Variants in CYLC2 observed in about 807,000 individuals in gnomAD.
The protein encoded by CYLC2 is cylicin 2.
CYLC2 carries 30 observed loss-of-function variants against 26.1 expected under a neutral mutation model. The observed-to-expected ratio is 1.15, with a 90% confidence interval of 0.86 to 1.56. The LOEUF (loss-of-function observed/expected upper bound fraction) is 1.56. CYLC2 is among the 40% of genes most tolerant of loss of function. The pLI is 0.00. For missense variants in CYLC2, 498 were observed against 394.4 expected (o/e 1.26, Z -2.23); for synonymous variants, 158 against 132.8 (o/e 1.19, Z -1.31).
intron 1 of CYLC2, among the ~76,000 whole-genome samples, chr9:102,997,307 C>T (rs564648142): frequency 2.0e-4 from 31 of 152,030 alleles, no homozygotes; most frequent in South Asian, 6.2e-4. Flanking sequence ...TATCATCACA[C>T]GCACATACAC....
chr9:103,008,609 C>T (rs900408094), intron 5 of CYLC2, among the ~76,000 whole-genome samples: 8 of 152,048 alleles, frequency 5.3e-5, no homozygotes, highest in Admixed American at 1.3e-4. Flanking sequence ...CATTAAATGA[C>T]GTTGGTATCC....
rs760694867 is a variant in CYLC2, at chr9:103,005,717, AG to A, written c.*40del. ...ATTTGAACCGAAAGAATAATTCAAA[AG>A]CATATTTGATGAAACAATAGTGGTA... On this transcript the variant is annotated 3_prime_UTR_variant, in exon 5 of 8. Transcript: ENST00000374798. The A allele has an allele frequency of 1.5e-5, 23 of 1,562,170 alleles. No individual in the cohort carries two copies. In the East Asian group the frequency reaches 4.7e-4, roughly 32 times the overall value.
intron 1 of CYLC2, among the ~76,000 whole-genome samples, chr9:102,999,115 C>T (rs934671991): frequency 2.0e-5 from 3 of 151,664 alleles, no homozygotes; most frequent in African/African-American, 7.2e-5. Context: ...TGTTTTCTTC[C>T]TTTTCTTTAT....
intron 2 of CYLC2, among the ~76,000 whole-genome samples, chr9:103,001,944 C>A (rs545994346): frequency 6.6e-6 from 1 of 152,216 alleles, no homozygotes; most frequent in East Asian, 1.9e-4. Flanking sequence ...TCAGGAATTT[C>A]TTCTACAACA....
rs772870555 is a variant in CYLC2, at chr9:103,005,008, A to G, written c.377A>G (p.Asp126Gly). The change falls in exon 5 of 8, where the codon GAC becomes GGC. Residue 126 changes from aspartate (D) to glycine (G), a missense_variant. Physicochemically the swap from Asp to Gly is moderately conservative, Grantham distance 94. Transcript: ENST00000374798. ...KKGEDKTTQK[D>G]TTDSESELKQ... is the part of the protein sequence containing the mutation. ...GGTGAAGACAAGACAACACAGAAGG[A>G]CACAACAGATTCGGAATCAGAATTA... 3 of 1,592,548 alleles carry G rather than the reference A, an allele frequency of 1.9e-6. No individual in the cohort carries two copies. The highest frequency in any genetic ancestry group is 3.8e-5 in the Admixed American group (2 of 52,396).
chr9:102,996,679 A>G (rs1480946493), intron 1 of CYLC2, among the ~76,000 whole-genome samples: 2 of 151,972 alleles, frequency 1.3e-5, no homozygotes, highest in African/African-American at 4.8e-5. Flanking sequence ...CTTTTCACTG[A>G]ATTCTTCTAA....
intron 6 of CYLC2, among the ~76,000 whole-genome samples, chr9:103,013,263 T>C (rs1188723732): frequency 1.0e-5 from 1 of 96,822 alleles, no homozygotes; most frequent in African/African-American, 4.3e-5. Context: ...TTTAATGTGT[T>C]ATATATATTA....
chr9:103,016,682 A>G (rs116489571), intron 6 of CYLC2, among the ~76,000 whole-genome samples: 1,726 of 152,164 alleles, frequency 0.011, 32 homozygotes, highest in African/African-American at 0.04. Flanking sequence ...AGGAAAATTA[A>G]AATTTCATAT....
rs756460777 is a variant in CYLC2, at chr9:103,005,644, A to G, written c.1013A>G (p.Asp338Gly). The G allele has an allele frequency of 1.2e-6, 2 of 1,612,382 alleles. No individual in the cohort carries two copies. Among genetic ancestry groups the G allele is most frequent in the Non-Finnish European group, 1.7e-6 (2 of 1,179,550 alleles). ...KKDAKKNAKK[D>G]EKKDAKKKGK ...GATGCAAAGAAGAATGCAAAGAAGG[A>G]TGAAAAGAAGGATGCAAAGAAGAAG... is the stretch of plus-strand genomic sequence containing the variant. The change falls in exon 5 of 8, where the codon GAT becomes GGT. Residue 338 changes from aspartate (D) to glycine (G), a missense_variant. Physicochemically the swap from Asp to Gly is moderately conservative, Grantham distance 94. Coordinates refer to ENST00000374798, the MANE Select transcript of CYLC2 (RefSeq NM_001340.5).
intron 6 of CYLC2, among the ~76,000 whole-genome samples, chr9:103,015,661 C>G (rs1163312213): frequency 1.3e-5 from 2 of 148,448 alleles, no homozygotes; most frequent in African/African-American, 4.9e-5. Context: ...GACCAGCGCT[C>G]TACCTTTCAG....
intron 1 of CYLC2, among the ~76,000 whole-genome samples, chr9:103,000,538 A>C (rs1299168684): frequency 6.6e-6 from 1 of 152,014 alleles, no homozygotes. Flanking sequence ...ATTTTGGTGC[A>C]TGTACTCAGT....
At chr9:102,997,587 GTCT>G (rs1180861960) in intron 1 of CYLC2, among the ~76,000 whole-genome samples, 1 of 151,822 alleles carries the variant, frequency 6.6e-6, no homozygotes, top group African/African-American at 2.4e-5. Context: ...GTCTTTTATG[GTCT>G]TCTTTTCCCT....
At chr9:103,002,946 A>G (rs1309945514) in intron 2 of CYLC2, among the ~76,000 whole-genome samples, 196 bp from the exon 3 acceptor site, 1 of 152,160 alleles carries the variant, frequency 6.6e-6, no homozygotes, top group Non-Finnish European at 1.5e-5. Context: ...CATCTGTAAA[A>G]CTGCTCAAAA....
Position 103,010,994 on chromosome 9 carries a change from C to A in CYLC2, c.*701-988C>A, listed in dbSNP as rs1829401099. Among the ~76,000 whole-genome samples the A allele has an allele frequency of 3.3e-5, 5 of 151,870 alleles. No homozygotes were observed. In the South Asian group the frequency reaches 1.0e-3, roughly 32 times the overall value. ...AAAAATGGAAGAATACTAGTGTATG[C>A]CTAAGAATATTGATTCTAGAAACCA... On this transcript the variant is annotated intron_variant, in intron 5 of 7. Coordinates refer to ENST00000374798, the MANE Select transcript of CYLC2 (RefSeq NM_001340.5).
rs749116055 is a variant in CYLC2, at chr9:103,005,400, T to A, written c.769T>A (p.Ser257Thr). The change falls in exon 5 of 8, where the codon TCG becomes ACG. Residue 257 changes from serine to threonine, a missense_variant. By Grantham distance (58) the Ser-to-Thr change is moderately conservative. Transcript: ENST00000374798. ...GKKDANKGDE[S>T]KDAKKDAKEI... is the part of the protein sequence containing the mutation. ...AAAAGATGCAAACAAAGGTGATGAA[T>A]CGAAGGATGCCAAGAAAGATGCAAA... 2 of 1,613,344 alleles carry A rather than the reference T, an allele frequency of 1.2e-6. No individual in the cohort carries two copies. The highest frequency in any genetic ancestry group is 3.3e-5 in the Admixed American group (2 of 59,934).
At chr9:103,017,471 G>C (rs762057183) in intron 7 of CYLC2, among the ~76,000 whole-genome samples, 7 of 151,934 alleles carry the variant, frequency 4.6e-5, no homozygotes, top group Non-Finnish European at 7.4e-5. Context: ...TTGGTTTACT[G>C]AATAAATTGA....
At position 103,004,730 on chromosome 9, in the gene CYLC2, A is replaced by G. The variant is rs1241978600; in HGVS notation, c.216A>G (p.Arg72=). The change falls in exon 4 of 8, where the codon AGA becomes AGG. Residue 72 remains arginine, a synonymous_variant. Coordinates refer to ENST00000374798, the MANE Select transcript of CYLC2 (RefSeq NM_001340.5). Reference sequence around the variant, plus strand: ...AAGAACAATTAAGAGGAGATCGTAGACAACCATTATGGATGTACCGTTCTT... The same window carrying G: ...AAGAACAATTAAGAGGAGATCGTAGGCAACCATTATGGATGTACCGTTCTT... ...IDEEQLRGDR[R]QPLWMYRSLM... 1 of 1,603,768 alleles carries G rather than the reference A, an allele frequency of 6.2e-7. No homozygotes were observed. The highest frequency in any genetic ancestry group is 1.1e-5 in the South Asian group (1 of 88,440).
At chr9:102,995,985 GT>G (rs575996355) in intron 1 of CYLC2, among the ~76,000 whole-genome samples, 2 of 151,814 alleles carry the variant, frequency 1.3e-5, no homozygotes, top group Non-Finnish European at 2.9e-5. Flanking sequence ...AATTTATTCT[GT>G]GTCAAAATAA....
intron 5 of CYLC2, 88 bp downstream of exon 5, chr9:103,006,466 G>A (rs868744452): frequency 2.0e-5 from 3 of 151,408 alleles, no homozygotes; most frequent in Non-Finnish European, 4.4e-5. Context: ...CAGGCTGGAG[G>A]GCAGTGGCGC....
Sources: allele counts gnomAD v4.1 joint callset (sites outside exome capture counted in the v4.1 genomes callset), GRCh38; gene constraint gnomAD v4.1.1; transcripts MANE v1.5; gene names NCBI Gene and HGNC (gene_info 2026-07-23, HGNC 2026-07-21).